The following IQCH variants were observed in gnomAD, a reference collection of about 807,000 sequenced individuals.
IQCH encodes IQ domain-containing protein H.
In IQCH, 98 loss-of-function variants were observed where a neutral mutation model predicts 117.0. That is an observed-to-expected ratio of 0.84 (90% CI 0.71 to 0.99). The LOEUF (loss-of-function observed/expected upper bound fraction) is 0.99, where lower values mean the gene tolerates loss of function less well. Ranked by LOEUF, IQCH falls within the 50% of genes least tolerant of loss-of-function variation. IQCH has a pLI of 0.00. For synonymous variants in IQCH, 412 were observed against 448.2 expected, an observed-to-expected ratio of 0.92 and a Z score of 1.02; for missense variants, 1,102 against 1,243.8, an observed-to-expected ratio of 0.89 and a Z score of 1.72.
At chr15:67,332,552 T>A (rs1407455387) in intron 4 of IQCH, among the ~76,000 whole-genome samples, 2 of 152,260 alleles carry the variant, frequency 1.3e-5, no homozygotes, top group East Asian at 3.9e-4. Context: ...AGAGAAGCCA[T>A]GACAAATGAA....
intron 18 of IQCH, among the ~76,000 whole-genome samples, chr15:67,477,642 T>A (rs2083238343): frequency 6.6e-6 from 1 of 152,196 alleles, no homozygotes; most frequent in Admixed American, 6.5e-5. Flanking sequence ...TAAATAGATT[T>A]TAACCCCAAA....
At chr15:67,414,607 G>C (rs1478464143) in intron 14 of IQCH, among the ~76,000 whole-genome samples, 1 of 150,504 alleles carries the variant, frequency 6.6e-6, no homozygotes, top group Admixed American at 6.6e-5. Flanking sequence ...ACGTGGCAAG[G>C]GTTTTACCTG....
At chr15:67,340,438 A>C (rs1335610142) in intron 5 of IQCH, among the ~76,000 whole-genome samples, 3 of 132,058 alleles carry the variant, frequency 2.3e-5, no homozygotes, top group Non-Finnish European at 3.3e-5. Flanking sequence ...AAAAAAAAAA[A>C]AAAAAAAAAA....
intron 5 of IQCH, among the ~76,000 whole-genome samples, chr15:67,341,459 G>A (rs1171606517): frequency 6.6e-6 from 1 of 151,974 alleles, no homozygotes; most frequent in Non-Finnish European, 1.5e-5. Context: ...ATCCATAAAT[G>A]AACTAAAAAG....
At chr15:67,264,855 T>C (rs1056738380) in intron 3 of IQCH, among the ~76,000 whole-genome samples, 2 of 151,464 alleles carry the variant, frequency 1.3e-5, no homozygotes, top group African/African-American at 4.8e-5. Context: ...TCTCTCTCCC[T>C]CCTCCTTCTC....
At chr15:67,316,689 C>T (rs1040218147) in intron 4 of IQCH, among the ~76,000 whole-genome samples, 1 of 152,148 alleles carries the variant, frequency 6.6e-6, no homozygotes, top group Non-Finnish European at 1.5e-5. Context: ...AAGTACTATT[C>T]CTACTTTCAT....
chr15:67,254,826 G>A lies in IQCH; in HGVS notation c.-71G>A. 1.3e-6 allele frequency: 2 copies of A among 1,519,184 alleles called. No homozygotes were observed. The highest frequency in any genetic ancestry group is 1.8e-6 in the Non-Finnish European group (2 of 1,108,374). 94.1% of individuals were successfully genotyped at this position (1,519,184 alleles called of 1,614,324 possible). On this transcript the variant is annotated 5_prime_UTR_variant, in exon 1 of 21. Transcript: ENST00000335894. ...GCGCGCGGTGTTGCCATGGGGACGAGCGGCTCCGGCTGAAGGTTTCCGTGC... is the reference window on the plus strand; with the variant it reads ...GCGCGCGGTGTTGCCATGGGGACGAACGGCTCCGGCTGAAGGTTTCCGTGC...
At chr15:67,323,939 C>CTTTTT (rs530534537) in intron 4 of IQCH, among the ~76,000 whole-genome samples, 1 of 64,342 alleles carries the variant, frequency 1.6e-5, no homozygotes, top group Non-Finnish European at 2.9e-5. Flanking sequence ...TTAAGCATTT[C>CTTTTT]TTTTTTTTTT....
intron 4 of IQCH, among the ~76,000 whole-genome samples, chr15:67,301,634 T>C (rs905370082): frequency 6.6e-6 from 1 of 151,978 alleles, no homozygotes; most frequent in Non-Finnish European, 1.5e-5. Context: ...GGTCTCGAAC[T>C]CCTGACCTCA....
chr15:67,304,609 A>G (rs952110728), intron 4 of IQCH, among the ~76,000 whole-genome samples: 2 of 152,110 alleles, frequency 1.3e-5, no homozygotes, highest in African/African-American at 4.8e-5. Flanking sequence ...TTCTGTTTAT[A>G]ATTAGCAATG....
rs1406568885 is a variant in IQCH at position 67,453,993 on chromosome 15, A to G, written c.2506-11134A>G. ...TCGATCTGGGACTGCTGTGCTAGCA[A>G]TGAGCAAGACTCCTTGGGTGTAGGA... On this transcript the variant is annotated intron_variant, in intron 16 of 20. Coordinates refer to ENST00000335894, the MANE Select transcript of IQCH (RefSeq NM_001031715.3). This position sits in a 1 kb window ranked among gnomAD's most constrained non-coding sequence, Gnocchi z 5.8. Among the ~76,000 whole-genome samples the G allele has an allele frequency of 6.6e-6, 1 of 152,224 alleles. No individual in the cohort carries two copies. The highest frequency in any genetic ancestry group is 1.5e-5 in the Non-Finnish European group (1 of 68,036).
chr15:67,467,327 A>G lies in IQCH; in HGVS notation c.2676+2030A>G, dbSNP rs1223683888. ...TATGTTGCTTCAGAAGGCTATCAGC[A>G]GAAGTTGTGCTTTGAGTGAGAAGCA... On this transcript the variant is annotated intron_variant, in intron 17 of 20. Coordinates refer to ENST00000335894, the MANE Select transcript of IQCH (RefSeq NM_001031715.3). This position sits in a 1 kb window ranked among gnomAD's most constrained non-coding sequence, Gnocchi z 5.7. Among the ~76,000 whole-genome samples the G allele has an allele frequency of 2.0e-5, 3 of 152,248 alleles. No individual in the cohort carries two copies. The highest frequency in any genetic ancestry group is 7.2e-5 in the African/African-American group (3 of 41,468).
Position 67,293,038 on chromosome 15 carries a change from C to T in IQCH, c.387+13526C>T, listed in dbSNP as rs76773202. Among the ~76,000 whole-genome samples the T allele has an allele frequency of 6.8e-3, 1,033 of 152,288 alleles. 12 individuals carry two copies. Among genetic ancestry groups the T allele is most frequent in the African/African-American group, 0.024 (981 of 41,544 alleles). ...AGTGGTTAGAACTATGGGTTAACATCCTGGCTCTATCACTTACTAGCTATA... is the reference window on the plus strand; with the variant it reads ...AGTGGTTAGAACTATGGGTTAACATTCTGGCTCTATCACTTACTAGCTATA... On this transcript the variant is annotated intron_variant, in intron 4 of 20. Transcript: ENST00000335894.
chr15:67,290,299 A>C (rs1966708328), intron 4 of IQCH, among the ~76,000 whole-genome samples: 1 of 152,038 alleles, frequency 6.6e-6, no homozygotes, highest in Non-Finnish European at 1.5e-5. Flanking sequence ...GAGATTTACT[A>C]TGCTGGTTTA....
rs1031251900 is a variant in IQCH, at chr15:67,388,673, T to G, written c.1457-158T>G. Among the ~76,000 whole-genome samples, 1 of 152,184 alleles carries G rather than the reference T, an allele frequency of 6.6e-6. No homozygotes were observed. Among genetic ancestry groups the G allele is most frequent in the African/African-American group, 2.4e-5 (1 of 41,436 alleles). On this transcript the variant is annotated intron_variant, in intron 11 of 20. Transcript: ENST00000335894. This position sits in a 1 kb window ranked among gnomAD's most constrained non-coding sequence, Gnocchi z 5.5. ...AAATGCCGAACTGTAAAAAAGCCAG[T>G]TAGATTGCTCAGATAGTACAAAACC...
intron 3 of IQCH, among the ~76,000 whole-genome samples, chr15:67,269,251 A>C (rs1965802960): frequency 6.6e-6 from 1 of 152,216 alleles, no homozygotes; most frequent in Admixed American, 6.5e-5. Flanking sequence ...AAATTAAACC[A>C]CTATAATACT....
In IQCH at chr15:67,400,243, A is replaced by C; in HGVS notation, c.2035A>C (p.Lys679Gln). Residue 679 changes from lysine (K) to glutamine (Q), a missense_variant, in exon 14 of 21, where the codon AAA (lysine) becomes CAA (glutamine). Transcript: ENST00000335894. ...TATTCCTTCCTACCTAAAGTGCTACAAATGGGTGCTAAAGGAGAGTAGCAG... is the reference window on the plus strand; with the variant it reads ...TATTCCTTCCTACCTAAAGTGCTACCAATGGGTGCTAAAGGAGAGTAGCAG... ...CDIPSYLKCY[K>Q]WVLKESSRYG... 1.9e-6 allele frequency: 3 copies of C among 1,613,808 alleles called. No homozygotes were observed. The highest frequency in any genetic ancestry group is 2.5e-6 in the Non-Finnish European group (3 of 1,179,792).
chr15:67,448,594 T>C (rs2082444748), intron 16 of IQCH, among the ~76,000 whole-genome samples: 1 of 152,094 alleles, frequency 6.6e-6, no homozygotes, highest in Non-Finnish European at 1.5e-5. Flanking sequence ...ATGGTGTATA[T>C]GTGCCACATT....
intron 4 of IQCH, among the ~76,000 whole-genome samples, chr15:67,302,612 A>T (rs753388472): frequency 6.6e-6 from 1 of 152,190 alleles, no homozygotes; most frequent in Non-Finnish European, 1.5e-5. Context: ...TAATCCCAGC[A>T]CTTTGGGAGG....
Sources: allele counts gnomAD v4.1 joint callset (sites outside exome capture counted in the v4.1 genomes callset), GRCh38; gene constraint gnomAD v4.1.1; non-coding constraint Gnocchi (gnomAD v3.1); transcripts MANE v1.5; gene names NCBI Gene and HGNC (gene_info 2026-07-23, HGNC 2026-07-21).